ABCC2: variants seen among roughly 807,000 people sequenced by gnomAD.
ABCC2 encodes the protein ATP binding cassette subfamily C member 2.
In ABCC2, 157 loss-of-function variants were observed where a neutral mutation model predicts 173.4. The ratio of observed to expected loss-of-function variants is 0.91; its 90% confidence interval spans 0.80 to 1.03. The LOEUF is 1.03. Ranked by LOEUF, ABCC2 falls within the 50% of genes least tolerant of loss-of-function variation. The pLI is 0.00. For synonymous variants in ABCC2, 657 were observed against 693.5 expected (o/e 0.95, Z 0.83); for missense variants, 1,822 against 1,852.3 (o/e 0.98, Z 0.30).
intron 16 of ABCC2, among the ~76,000 whole-genome samples, chr10:99,814,767 A>ATG (rs749137933): frequency 0.021 from 2,724 of 129,084 alleles, 50 homozygotes; most frequent in African/African-American, 0.036. Context: ...ACACACATAT[A>ATG]TGTGTGTGTA....
intron 19 of ABCC2, among the ~76,000 whole-genome samples, chr10:99,826,315 C>T (rs546092785): frequency 9.9e-5 from 15 of 152,048 alleles, no homozygotes; most frequent in East Asian, 1.9e-4. Flanking sequence ...TCTGATCCTG[C>T]GGGAACCTTT....
At chr10:99,809,701 G>A (rs1359087022) in intron 13 of ABCC2, among the ~76,000 whole-genome samples, 1 of 152,254 alleles carries the variant, frequency 6.6e-6, no homozygotes, top group Non-Finnish European at 1.5e-5. Flanking sequence ...GGCCTATGTG[G>A]AAGTGTGCAG....
intron 2 of ABCC2, among the ~76,000 whole-genome samples, chr10:99,790,827 T>C (rs1430700266): frequency 6.6e-6 from 1 of 152,216 alleles, no homozygotes; most frequent in Non-Finnish European, 1.5e-5. Flanking sequence ...ATTCATCTCC[T>C]TTCTTGGCTG....
chr10:99,829,844 T>A (rs902934633), intron 19 of ABCC2, among the ~76,000 whole-genome samples: 2 of 152,180 alleles, frequency 1.3e-5, no homozygotes, highest in African/African-American at 2.4e-5. Context: ...CAAGGTGGTC[T>A]CAAACTCCTG....
chr10:99,784,006 T>A (rs1411234086), intron 1 of ABCC2, among the ~76,000 whole-genome samples: 3 of 102,524 alleles, frequency 2.9e-5, no homozygotes, highest in Non-Finnish European at 5.3e-5. Context: ...CCCCCCAACT[T>A]CCACTTCACA....
At chr10:99,815,810 T>C (rs997414120) in intron 16 of ABCC2, among the ~76,000 whole-genome samples, 1 of 152,182 alleles carries the variant, frequency 6.6e-6, no homozygotes, top group African/African-American at 2.4e-5. Context: ...TAGCAATCAC[T>C]AATGAACTAA....
chr10:99,790,051 G>A (rs1243431414), intron 2 of ABCC2, among the ~76,000 whole-genome samples: 3 of 152,152 alleles, frequency 2.0e-5, no homozygotes, highest in Non-Finnish European at 2.9e-5. Flanking sequence ...TGCATCATGA[G>A]CAATGCTGCC....
intron 15 of ABCC2, among the ~76,000 whole-genome samples, 158 bp downstream of exon 15, chr10:99,811,760 A>G (rs2038219857): frequency 6.6e-6 from 1 of 152,206 alleles, no homozygotes; most frequent in Non-Finnish European, 1.5e-5. Context: ...GATGAGCTGA[A>G]AGCAAAGGTT....
chr10:99,810,301 C>T (rs2038188229), intron 14 of ABCC2, 83 bp downstream of exon 14: 3 of 1,030,890 alleles, frequency 2.9e-6, no homozygotes, highest in Non-Finnish European at 4.5e-6. Flanking sequence ...TTAGTAGCAG[C>T]AAACTGAGAG....
intron 23 of ABCC2, among the ~76,000 whole-genome samples, chr10:99,832,805 C>CTCAT: frequency 6.6e-6 from 1 of 152,232 alleles, no homozygotes. Flanking sequence ...TTGGCATTCA[C>CTCAT]TCATTCATTC....
At chr10:99,797,065 G>T in intron 6 of ABCC2, 32 bp from the exon 7 acceptor site, 2 of 1,601,796 alleles carry the variant, frequency 1.2e-6, no homozygotes, top group Non-Finnish European at 1.7e-6. Flanking sequence ...CCCAGCCTGG[G>T]GGTCTCAGCC....
chr10:99,834,322 T>C, intron 23 of ABCC2, 58 bp from the exon 24 acceptor site: 1 of 1,563,398 alleles, frequency 6.4e-7, no homozygotes, highest in East Asian at 2.2e-5. Context: ...ACTAGGAAGA[T>C]GTAAACTATC....
chr10:99,841,092 A>C (rs2038936167), intron 25 of ABCC2, among the ~76,000 whole-genome samples: 1 of 152,112 alleles, frequency 6.6e-6, no homozygotes, highest in South Asian at 2.1e-4. Flanking sequence ...ACTTGCACCT[A>C]ACTTCCTTTC....
intron 7 of ABCC2, among the ~76,000 whole-genome samples, chr10:99,798,692 A>G (rs1358732075): frequency 6.6e-6 from 1 of 152,140 alleles, no homozygotes; most frequent in Non-Finnish European, 1.5e-5. Flanking sequence ...TAAAGATATC[A>G]ATCATACTGC....
chr10:99,814,263 GTA>G (rs2038299649), intron 16 of ABCC2, among the ~76,000 whole-genome samples: 3 of 20,744 alleles, frequency 1.4e-4, no homozygotes, highest in African/African-American at 6.8e-4. Flanking sequence ...GTATACACAC[GTA>G]TGTATACACA....
chr10:99,841,316 A>G (rs2038940379), intron 25 of ABCC2, among the ~76,000 whole-genome samples: 1 of 151,972 alleles, frequency 6.6e-6, no homozygotes, highest in Non-Finnish European at 1.5e-5. Context: ...ACTTTGGGAG[A>G]CTGAGGCAAG....
At chr10:99,824,424 A>C (rs1003965282) in intron 19 of ABCC2, among the ~76,000 whole-genome samples, 9 of 152,136 alleles carry the variant, frequency 5.9e-5, no homozygotes, top group Admixed American at 1.3e-4. Context: ...ATAACAGTCA[A>C]TTAATTTATC....
intron 31 of ABCC2, 134 bp from the exon 32 acceptor site, chr10:99,851,368 G>T: frequency 1.1e-6 from 1 of 946,090 alleles, no homozygotes; most frequent in Non-Finnish European, 1.7e-6. Flanking sequence ...GATGTGTGTA[G>T]CTGTGGCTCA....
At position 99,817,432 on chromosome 10, in the gene ABCC2, T is replaced by A. The variant is rs1245496080; in HGVS notation, c.2219T>A (p.Leu740His). The part of the protein sequence containing the change: ...YQQVLEACAL[L>H]PDLEMLPGGD... The stretch of plus-strand genomic sequence containing the variant: ...CAAGTACTGGAGGCCTGTGCTCTCC[T>A]CCCAGACTTGGAAATGCTGCCTGGA... Residue 740 changes from leucine to histidine, a missense_variant, in exon 17 of 32, where the codon CTC becomes CAC. By Grantham distance (99) the Leu-to-His change is moderately conservative (BLOSUM62 -3). Transcript: ENST00000647814. 1 of 1,614,032 alleles carries A rather than the reference T, an allele frequency of 6.2e-7. No homozygotes were observed. The highest frequency in any genetic ancestry group is 1.3e-5 in the African/African-American group (1 of 74,916).
Sources: gnomAD v4.1 joint callset for allele counts (sites outside exome capture counted in the v4.1 genomes callset) on GRCh38, gnomAD v4.1.1 for gene constraint, MANE v1.5 for transcripts, NCBI Gene and HGNC (gene_info 2026-07-23, HGNC 2026-07-21) for gene names.